Variants in PCDHA8 observed in about 807,000 individuals in gnomAD.
PCDHA8 encodes protocadherin alpha 8, also known as protocadherin alpha-8.
A neutral mutation model predicts 61.8 loss-of-function variants in PCDHA8; 53 were observed. That is an observed-to-expected ratio of 0.86 (90% CI 0.69 to 1.08). The LOEUF is 1.08. PCDHA8 is among the 50% of genes least tolerant of loss of function. PCDHA8 has a pLI of 0.00. For synonymous variants in PCDHA8, 618 were observed against 556.6 expected (o/e 1.11, Z -1.55); for missense variants, 1,293 against 1,245.0 (o/e 1.04, Z -0.58).
chr5:140,863,300 C>T (rs1554158081), intron 1 of PCDHA8: 1 of 1,463,972 alleles, frequency 6.8e-7, no homozygotes, highest in Admixed American at 1.8e-5. Flanking sequence ...CTGATCATCG[C>T]CATCTGCGTG....
intron 1 of PCDHA8, chr5:140,967,043 G>A: frequency 6.2e-7 from 1 of 1,612,108 alleles, no homozygotes; most frequent in Non-Finnish European, 8.5e-7. Context: ...CCTGGAGCTG[G>A]ACCTGACGAG....
intron 1 of PCDHA8, among the ~76,000 whole-genome samples, chr5:140,873,335 T>C (rs192894155): frequency 6.6e-6 from 1 of 152,358 alleles, no homozygotes; most frequent in African/African-American, 2.4e-5. Flanking sequence ...CATACATTAC[T>C]CATCTCCAGA....
At position 141,010,421 on chromosome 5, in the gene PCDHA8, A is replaced by T. The variant is rs1486731012; in HGVS notation, c.*484A>T. The T allele has an allele frequency of 8.7e-7, 1 of 1,148,142 alleles. No homozygotes were observed. Among genetic ancestry groups the T allele is most frequent in the Admixed American group, 2.9e-5 (1 of 34,726 alleles). The allele number at this position is 1,148,142 out of a possible 1,614,324, so 71.1% of individuals were successfully genotyped here. A position where few individuals can be genotyped will look rare whatever the true frequency, so the allele number is the denominator to read the frequency against. ...CAGCTTAGACTAATTGGTACAAGGAAGGCAAGAAAACAAAGACAAATAAAC... is the reference window on the plus strand; with the variant it reads ...CAGCTTAGACTAATTGGTACAAGGATGGCAAGAAAACAAAGACAAATAAAC... On this transcript the variant is annotated 3_prime_UTR_variant, in exon 4 of 4. Coordinates refer to ENST00000531613, the MANE Select transcript of PCDHA8 (RefSeq NM_018911.3).
intron 1 of PCDHA8, among the ~76,000 whole-genome samples, chr5:140,945,123 A>G (rs1421068345): frequency 2.0e-5 from 3 of 152,190 alleles, no homozygotes; most frequent in African/African-American, 4.8e-5. Context: ...TAAAAAATCA[A>G]CTTACAAAAA....
intron 1 of PCDHA8, chr5:140,877,364 T>A: frequency 6.2e-7 from 1 of 1,613,948 alleles, no homozygotes; most frequent in Non-Finnish European, 8.5e-7. Context: ...ACTGGCGAGA[T>A]CAGCACGACA....
intron 1 of PCDHA8, among the ~76,000 whole-genome samples, chr5:140,886,681 C>T (rs1184298079): frequency 1.3e-5 from 2 of 151,832 alleles, no homozygotes; most frequent in Admixed American, 6.6e-5. Context: ...CAAAAATTAG[C>T]GAGGCATGGT....
chr5:140,853,885 T>C (rs1456390498), intron 1 of PCDHA8: 1 of 979,240 alleles, frequency 1.0e-6, no homozygotes, highest in Non-Finnish European at 1.2e-6. Context: ...TTCTGTAATT[T>C]AAAAAGATGT....
chr5:140,913,398 AT>A (rs1172885484), intron 1 of PCDHA8, among the ~76,000 whole-genome samples: 5 of 152,132 alleles, frequency 3.3e-5, no homozygotes, highest in Non-Finnish European at 7.4e-5. Flanking sequence ...GCCACTAATG[AT>A]CCTTTGAATT....
chr5:140,861,571 A>C, intron 1 of PCDHA8: 1 of 372,012 alleles, frequency 2.7e-6, no homozygotes, highest in Non-Finnish European at 5.6e-6. Context: ...AAGCTGCTAC[A>C]GGTTTTCCAT....
intron 1 of PCDHA8, among the ~76,000 whole-genome samples, chr5:140,942,387 G>A (rs1398449068): frequency 1.3e-5 from 2 of 151,808 alleles, no homozygotes; most frequent in Admixed American, 1.3e-4. Context: ...ATTCCAGCCT[G>A]GGCGACAGAT....
intron 1 of PCDHA8, among the ~76,000 whole-genome samples, chr5:140,900,706 A>G (rs1279378955): frequency 6.6e-6 from 1 of 152,154 alleles, no homozygotes; most frequent in Admixed American, 6.5e-5. Flanking sequence ...GTTCTTTTGG[A>G]AAGAAAGGAA....
At chr5:140,994,848 T>C (rs1453646097) in intron 3 of PCDHA8, among the ~76,000 whole-genome samples, 2 of 151,686 alleles carry the variant, frequency 1.3e-5, no homozygotes, top group East Asian at 3.9e-4. Flanking sequence ...ATAAGATGAG[T>C]GCATTTGATG....
intron 2 of PCDHA8, among the ~76,000 whole-genome samples, chr5:140,981,165 T>C (rs1411910974): frequency 6.6e-6 from 1 of 152,250 alleles, no homozygotes; most frequent in Non-Finnish European, 1.5e-5. Flanking sequence ...ATATGTTGCC[T>C]TCCCTCTAAT....
Position 140,928,056 on chromosome 5 carries a change from G to A in PCDHA8, c.2395-50893G>A, listed in dbSNP as rs183490994. ...CTAGTGCAGGCCCTTTTCAGCTGAC[G>A]GCTTCCTTTGACAACTACTACAGCC... On this transcript the variant is annotated intron_variant, in intron 1 of 3. Coordinates refer to ENST00000531613, the MANE Select transcript of PCDHA8 (RefSeq NM_018911.3). The A allele has an allele frequency of 2.8e-5, 45 of 1,614,154 alleles. 1 individual carries two copies. The East Asian group carries it at 4.7e-4, about 17-fold the overall frequency.
chr5:140,863,416 C>A, intron 1 of PCDHA8: 6 of 719,752 alleles, frequency 8.3e-6, no homozygotes, highest in African/African-American at 1.8e-5. Flanking sequence ...GCTGGTGTAC[C>A]GCAGCGTAGT....
rs2056458194 is a variant in PCDHA8, at chr5:140,876,609, T to C, written c.2394+32894T>C. ...TGATTAGCGTGTCGGATCGTGACTC[T>C]GGAGCCAATGGACAGGTCATCTGCT... On this transcript the variant is annotated intron_variant, in intron 1 of 3. Coordinates refer to ENST00000531613, the MANE Select transcript of PCDHA8 (RefSeq NM_018911.3). The C allele has an allele frequency of 3.1e-6, 5 of 1,614,226 alleles. No individual in the cohort carries two copies. In the East Asian group the frequency reaches 1.1e-4, roughly 36 times the overall value.
chr5:140,950,070 A>G (rs2094446713), intron 1 of PCDHA8, among the ~76,000 whole-genome samples: 1 of 151,890 alleles, frequency 6.6e-6, no homozygotes, highest in Non-Finnish European at 1.5e-5. Flanking sequence ...TTCCTGTGCC[A>G]TTGCTTATGC....
chr5:140,988,038 T>C (rs1045669411), intron 3 of PCDHA8, among the ~76,000 whole-genome samples: 1 of 152,212 alleles, frequency 6.6e-6, no homozygotes, highest in African/African-American at 2.4e-5. Flanking sequence ...TTTTAGAATC[T>C]GTTTAGGAGC....
At chr5:140,984,471 A>G (rs2153834399) in intron 3 of PCDHA8, among the ~76,000 whole-genome samples, 1 of 152,300 alleles carries the variant, frequency 6.6e-6, no homozygotes, top group Middle Eastern at 3.4e-3. Context: ...CCCCTCTTGT[A>G]TAACCCATTT....
Sources: allele counts gnomAD v4.1 joint callset (sites outside exome capture counted in the v4.1 genomes callset), GRCh38; gene constraint gnomAD v4.1.1; transcripts MANE v1.5; gene names NCBI Gene and HGNC (gene_info 2026-07-23, HGNC 2026-07-21).